The following CDKAL1 variants were observed in gnomAD, a reference collection of about 807,000 sequenced individuals.
CDKAL1 encodes the protein threonylcarbamoyladenosine tRNA methylthiotransferase.
In CDKAL1, 32 loss-of-function variants were observed where a neutral mutation model predicts 68.2. That is an observed-to-expected ratio of 0.47 (90% CI 0.35 to 0.63). The LOEUF is 0.63. Among genes scored for constraint, CDKAL1 ranks in the 30% least tolerant of loss-of-function variants. The pLI is 0.00. For missense variants in CDKAL1, 606 were observed against 696.7 expected, an observed-to-expected ratio of 0.87 and a Z score of 1.47; for synonymous variants, 234 against 244.3, an observed-to-expected ratio of 0.96 and a Z score of 0.39.
At chr6:20,868,927 G>C (rs906070627) in intron 9 of CDKAL1, among the ~76,000 whole-genome samples, 1 of 152,228 alleles carries the variant, frequency 6.6e-6, no homozygotes, top group Non-Finnish European at 1.5e-5. Context: ...TGAAACATAA[G>C]TGCACATTTA....
At chr6:21,187,317 C>T (rs1398371702) in intron 13 of CDKAL1, among the ~76,000 whole-genome samples, 2 of 152,092 alleles carry the variant, frequency 1.3e-5, no homozygotes, top group Non-Finnish European at 2.9e-5. Context: ...CTCTAAGGGA[C>T]CTGTATTCTC....
At chr6:21,226,288 T>G (rs1183254490) in intron 15 of CDKAL1, among the ~76,000 whole-genome samples, 1 of 133,592 alleles carries the variant, frequency 7.5e-6, no homozygotes, top group Non-Finnish European at 1.8e-5. Flanking sequence ...ATGAAAGTTT[T>G]TTTTTTTTTT....
intron 9 of CDKAL1, among the ~76,000 whole-genome samples, chr6:20,888,177 CA>C (rs968706180): frequency 1.3e-5 from 2 of 151,864 alleles, no homozygotes; most frequent in African/African-American, 4.8e-5. Flanking sequence ...GCCCTGTGTC[CA>C]GGTGTTCTCA....
intron 4 of CDKAL1, among the ~76,000 whole-genome samples, chr6:20,630,325 T>C (rs969180940): frequency 2.0e-5 from 3 of 152,124 alleles, no homozygotes; most frequent in African/African-American, 7.2e-5. Context: ...TCCCCTTGGA[T>C]GGGCTCTGAT....
chr6:21,009,079 A>G (rs1233286523), intron 11 of CDKAL1, among the ~76,000 whole-genome samples: 1 of 152,212 alleles, frequency 6.6e-6, no homozygotes, highest in South Asian at 2.1e-4. Context: ...GAATTAACTC[A>G]TTTAATTCTC....
chr6:20,681,479 A>G (rs1770372270), intron 5 of CDKAL1, among the ~76,000 whole-genome samples: 1 of 152,214 alleles, frequency 6.6e-6, no homozygotes, highest in African/African-American at 2.4e-5. Context: ...GTTAGGGGGC[A>G]GGTATAAAAG....
At chr6:20,723,167 C>T (rs888975478) in intron 5 of CDKAL1, among the ~76,000 whole-genome samples, 10 of 152,164 alleles carry the variant, frequency 6.6e-5, no homozygotes, top group African/African-American at 1.2e-4. Flanking sequence ...CACCACTGTC[C>T]GTGGACAGTG....
chr6:20,959,339 C>A (rs1383358516), intron 10 of CDKAL1, among the ~76,000 whole-genome samples: 2 of 152,024 alleles, frequency 1.3e-5, no homozygotes, highest in Non-Finnish European at 2.9e-5. Flanking sequence ...AAGAAATATA[C>A]CTATGAGCTT....
chr6:21,058,011 G>T (rs1049647812), intron 11 of CDKAL1, among the ~76,000 whole-genome samples: 2 of 152,206 alleles, frequency 1.3e-5, no homozygotes, highest in African/African-American at 2.4e-5. Flanking sequence ...GGAGAGTTCT[G>T]TAGATATCCA....
intron 4 of CDKAL1, among the ~76,000 whole-genome samples, chr6:20,556,621 A>C (rs1218172870): frequency 6.6e-6 from 1 of 152,232 alleles, no homozygotes; most frequent in East Asian, 1.9e-4. Context: ...ATGATTATTT[A>C]CATTTATATA....
intron 2 of CDKAL1, among the ~76,000 whole-genome samples, chr6:20,542,903 A>C: frequency 6.6e-6 from 1 of 152,368 alleles, no homozygotes; most frequent in African/African-American, 2.4e-5. Context: ...ATGTTATATA[A>C]AAGTGATCAT....
At chr6:20,934,567 A>G (rs1235285992) in intron 9 of CDKAL1, among the ~76,000 whole-genome samples, 1 of 152,050 alleles carries the variant, frequency 6.6e-6, no homozygotes, top group Non-Finnish European at 1.5e-5. Flanking sequence ...AGTCCTAGGT[A>G]GGCATGGTGG....
intron 9 of CDKAL1, among the ~76,000 whole-genome samples, chr6:20,861,962 CAGA>C (rs1217173303): frequency 1.3e-5 from 2 of 152,158 alleles, no homozygotes; most frequent in African/African-American, 4.8e-5. Flanking sequence ...TCCCAGATTG[CAGA>C]AGAATTATTT....
intron 4 of CDKAL1, among the ~76,000 whole-genome samples, chr6:20,638,927 C>T (rs542656029): frequency 1.9e-4 from 29 of 151,960 alleles, no homozygotes; most frequent in African/African-American, 2.2e-4. Context: ...CCACCGCGCC[C>T]GGCCTAGGGA....
intron 14 of CDKAL1, chr6:21,200,808 C>G (rs948474338): frequency 5.0e-6 from 1 of 201,840 alleles, no homozygotes; most frequent in Non-Finnish European, 1.0e-5. Flanking sequence ...GACCCTTGAG[C>G]AGCTAGAAGA....
chr6:20,625,737 G>C (rs897846308), intron 4 of CDKAL1, among the ~76,000 whole-genome samples: 1 of 152,022 alleles, frequency 6.6e-6, no homozygotes, highest in Non-Finnish European at 1.5e-5. Flanking sequence ...CTTTTGGGTA[G>C]AGCTCAACAT....
intron 4 of CDKAL1, among the ~76,000 whole-genome samples, chr6:20,619,793 T>C (rs1172685451): frequency 6.6e-6 from 1 of 152,206 alleles, no homozygotes; most frequent in Admixed American, 6.5e-5. Context: ...ATGAGGCACT[T>C]GTTTGTGAAT....
At chr6:21,201,067 G>C in intron 14 of CDKAL1, 43 bp from the exon 15 acceptor site, 1 of 1,544,098 alleles carries the variant, frequency 6.5e-7, no homozygotes, top group Non-Finnish European at 8.9e-7. Context: ...AAAGTAAAAT[G>C]TTTATTTTTA....
At chr6:21,177,664 C>G (rs1308586854) in intron 13 of CDKAL1, among the ~76,000 whole-genome samples, 1 of 138,418 alleles carries the variant, frequency 7.2e-6, no homozygotes, top group African/African-American at 2.6e-5. Flanking sequence ...TTCCTCTGAT[C>G]TTTTTTTTTT....
Sources: allele counts gnomAD v4.1 joint callset (sites outside exome capture counted in the v4.1 genomes callset), GRCh38; gene constraint gnomAD v4.1.1; transcripts MANE v1.5; gene names NCBI Gene and HGNC (gene_info 2026-07-23, HGNC 2026-07-21).